The following TECRL variants were observed in gnomAD, a reference collection of about 807,000 sequenced individuals.
TECRL encodes the protein trans-2,3-enoyl-CoA reductase-like.
Under a neutral mutation model 52.8 loss-of-function variants are expected in TECRL, and 63 were observed. That is an observed-to-expected ratio of 1.19 (90% CI 0.97 to 1.47). The LOEUF is 1.47. Among genes scored for constraint, TECRL ranks in the 40% most tolerant of loss-of-function variants. The pLI is 0.00. For missense variants in TECRL, 482 were observed against 429.6 expected, an observed-to-expected ratio of 1.12 and a Z score of -1.08; for synonymous variants, 164 against 141.9, an observed-to-expected ratio of 1.16 and a Z score of -1.10.
chr4:64,356,013 C>A (rs1197958874), intron 2 of TECRL, among the ~76,000 whole-genome samples: 2 of 152,076 alleles, frequency 1.3e-5, no homozygotes, highest in African/African-American at 2.4e-5. Context: ...TTTGCCCCAA[C>A]CTTGAGCTCA....
intron 4 of TECRL, among the ~76,000 whole-genome samples, chr4:64,319,915 C>T (rs1169445908): frequency 1.3e-5 from 2 of 151,804 alleles, no homozygotes; most frequent in African/African-American, 2.4e-5. Flanking sequence ...AGATGAAGAA[C>T]ACATCAGTGG....
chr4:64,349,376 C>G (rs1720222777), intron 2 of TECRL, among the ~76,000 whole-genome samples: 1 of 151,914 alleles, frequency 6.6e-6, no homozygotes, highest in Non-Finnish European at 1.5e-5. Context: ...CGTGATCTAC[C>G]CACCGCGGCC....
chr4:64,397,713 C>T (rs1187014603), intron 1 of TECRL: 4 of 152,206 alleles, frequency 2.6e-5, no homozygotes, highest in Admixed American at 6.5e-5. Context: ...GAACACTTCA[C>T]GGATTTGTAT....
At chr4:64,321,529 AAGG>A (rs1391560349) in intron 4 of TECRL, among the ~76,000 whole-genome samples, 2 of 152,158 alleles carry the variant, frequency 1.3e-5, no homozygotes, top group Non-Finnish European at 2.9e-5. Context: ...ATTGAAAGAA[AAGG>A]AGCTCATTAT....
At chr4:64,309,277 CAA>C (rs1258211169) in intron 6 of TECRL, among the ~76,000 whole-genome samples, 1 of 152,044 alleles carries the variant, frequency 6.6e-6, no homozygotes, top group African/African-American at 2.4e-5. Context: ...AATTGAAAAA[CAA>C]AATTTAGCTT....
intron 8 of TECRL, chr4:64,299,253 T>C (rs1723866372): frequency 6.6e-6 from 1 of 151,144 alleles, no homozygotes; most frequent in African/African-American, 2.4e-5. Context: ...TTATGACCTG[T>C]ATTAAAATGG....
At chr4:64,406,149 C>CGA in intron 1 of TECRL, among the ~76,000 whole-genome samples, 1 of 91,964 alleles carries the variant, frequency 1.1e-5, no homozygotes, top group Admixed American at 1.2e-4. Flanking sequence ...ATTTGTTAGG[C>CGA]GCGCGCGCGC....
chr4:64,312,543 C>A (rs958713976), intron 5 of TECRL, among the ~76,000 whole-genome samples: 6 of 152,048 alleles, frequency 3.9e-5, no homozygotes, highest in Non-Finnish European at 8.8e-5. Context: ...AGGAGGATCC[C>A]TTGAGCCCAG....
intron 3 of TECRL, among the ~76,000 whole-genome samples, chr4:64,325,013 T>G (rs1217772457): frequency 1.3e-5 from 2 of 152,044 alleles, no homozygotes; most frequent in Non-Finnish European, 2.9e-5. Context: ...ATTGCATGAG[T>G]TTTTATAATG....
chr4:64,314,575 C>G lies in TECRL; in HGVS notation c.551+73G>C. ...TTTTACCTGCTTACTAGTTCATCCC[C>G]TCCTTAACGTGTATGGTGTGTGTGT... On this transcript the variant is annotated intron_variant, in intron 5 of 11. Coordinates refer to ENST00000381210, the MANE Select transcript of TECRL (RefSeq NM_001010874.5). 4 of 1,142,510 alleles carry G rather than the reference C, an allele frequency of 3.5e-6. No homozygotes were observed. In the South Asian group the frequency reaches 5.2e-5, roughly 15 times the overall value. The allele number at this position is 1,142,510 out of a possible 1,614,324, so 70.8% of individuals were successfully genotyped here. A position where few individuals can be genotyped will look rare whatever the true frequency, so the allele number is the denominator to read the frequency against.
chr4:64,324,978 G>A (rs1718155473), intron 3 of TECRL, among the ~76,000 whole-genome samples: 1 of 152,120 alleles, frequency 6.6e-6, no homozygotes, highest in African/African-American at 2.4e-5. Context: ...TTTAAAAAAT[G>A]AGATTATCTA....
chr4:64,282,141 T>C (rs1577792767), intron 9 of TECRL, among the ~76,000 whole-genome samples: 1 of 152,000 alleles, frequency 6.6e-6, no homozygotes, highest in African/African-American at 2.4e-5. Flanking sequence ...CAGTCAGGAT[T>C]GATAGTTACA....
chr4:64,311,741 T>A (rs2110003163), intron 5 of TECRL, among the ~76,000 whole-genome samples: 1 of 152,354 alleles, frequency 6.6e-6, no homozygotes, highest in East Asian at 1.9e-4. Context: ...ATTATTATTC[T>A]ATTTAATGAT....
At chr4:64,328,487 C>T in intron 3 of TECRL, 25 bp downstream of exon 3, 8 of 1,599,836 alleles carry the variant, frequency 5.0e-6, no homozygotes, top group Non-Finnish European at 6.8e-6. Flanking sequence ...ATTAAATAAA[C>T]ACATCAGTGA....
At position 64,354,576 on chromosome 4, in the gene TECRL, G is replaced by A. The variant is rs192268184; in HGVS notation, c.286+20596C>T. ...TAGCAGAGAATGAACAAATTCGCTGGAGGGGCATGATTGTTGTGATTTTCT... is the reference window on the plus strand; with the variant it reads ...TAGCAGAGAATGAACAAATTCGCTGAAGGGGCATGATTGTTGTGATTTTCT... On this transcript the variant is annotated intron_variant, in intron 2 of 11. Transcript: ENST00000381210. Among the ~76,000 whole-genome samples the A allele has an allele frequency of 8.0e-3, 1,212 of 152,258 alleles. 18 individuals are homozygous for A. The highest frequency in any genetic ancestry group is 0.027 in the African/African-American group (1,111 of 41,548).
intron 2 of TECRL, among the ~76,000 whole-genome samples, chr4:64,351,935 G>A (rs968552631): frequency 6.6e-6 from 1 of 152,100 alleles, no homozygotes; most frequent in Non-Finnish European, 1.5e-5. Context: ...TCAAAGCACT[G>A]ACATCAGATC....
intron 1 of TECRL, among the ~76,000 whole-genome samples, chr4:64,388,164 G>A (rs1723304130): frequency 6.8e-6 from 1 of 146,484 alleles, no homozygotes; most frequent in Non-Finnish European, 1.5e-5. Flanking sequence ...TTTACATTTA[G>A]GTCTGATATT....
intron 2 of TECRL, among the ~76,000 whole-genome samples, chr4:64,369,397 C>A (rs983762415): frequency 6.6e-6 from 1 of 152,006 alleles, no homozygotes; most frequent in African/African-American, 2.4e-5. Flanking sequence ...GTTATTGTAA[C>A]CAATTGTGAA....
chr4:64,332,417 T>A (rs1718708364), intron 2 of TECRL, among the ~76,000 whole-genome samples: 1 of 152,184 alleles, frequency 6.6e-6, no homozygotes, highest in Non-Finnish European at 1.5e-5. Context: ...CAAATATAAA[T>A]CTTCTCTGGA....
Sources: allele counts gnomAD v4.1 joint callset (sites outside exome capture counted in the v4.1 genomes callset), GRCh38; gene constraint gnomAD v4.1.1; transcripts MANE v1.5; gene names NCBI Gene and HGNC (gene_info 2026-07-23, HGNC 2026-07-21).